TMC3: variants seen among roughly 807,000 people sequenced by gnomAD.
TMC3 encodes the protein transmembrane channel like 3.
A neutral mutation model predicts 110.6 loss-of-function variants in TMC3; 98 were observed. The ratio of observed to expected loss-of-function variants is 0.89; its 90% CI spans 0.75 to 1.05. The LOEUF is 1.05. Ranked by LOEUF, TMC3 falls within the 50% of genes least tolerant of loss-of-function variation. The pLI is 0.00. For synonymous variants in TMC3, 489 were observed against 513.1 expected (o/e 0.95, Z 0.63); for missense variants, 1,319 against 1,373.2 (o/e 0.96, Z 0.62).
chr15:81,354,568 C>A (rs1275080756), intron 9 of TMC3, among the ~76,000 whole-genome samples: 3 of 152,112 alleles, frequency 2.0e-5, no homozygotes. Context: ...CTCAGAAGAT[C>A]CCTGGGGCAC....
chr15:81,345,571 G>A (rs984708021), intron 12 of TMC3, among the ~76,000 whole-genome samples: 3 of 152,138 alleles, frequency 2.0e-5, no homozygotes, highest in Non-Finnish European at 4.4e-5. Flanking sequence ...GGTGGGGCAG[G>A]TTGAAAGTGG....
At position 81,333,066 on chromosome 15, in the gene TMC3, TGGGGGCGTGG is replaced by T. The variant is rs960200233; in HGVS notation, c.2646_2655del (p.His883AspfsTer16). 4.3e-6 allele frequency: 7 copies of T among 1,614,000 alleles called. No homozygotes were observed. The highest frequency in any genetic ancestry group is 5.9e-6 in the Non-Finnish European group (7 of 1,179,872). On this transcript the variant is annotated frameshift_variant, in exon 22 of 22. Transcript: ENST00000359440. LOFTEE classifies it low-confidence loss of function (END_TRUNC). ...TCACATTCATTAATGACATAGTATC[TGGGGGCGTGG>T]GGCCTGGGACCCTGTGCCAGCAAAG... is the stretch of plus-strand genomic sequence containing the variant.
chr15:81,373,065 C>G (rs2141431148), intron 1 of TMC3, among the ~76,000 whole-genome samples: 1 of 152,254 alleles, frequency 6.6e-6, no homozygotes, highest in South Asian at 2.1e-4. Context: ...TTTACGTACT[C>G]TTGGATTCCT....
chr15:81,349,945 A>T (rs8037552), intron 10 of TMC3, among the ~76,000 whole-genome samples: 2 of 145,064 alleles, frequency 1.4e-5, no homozygotes, highest in African/African-American at 5.4e-5. Flanking sequence ...CAACACAGCA[A>T]GACCCCATCT....
At chr15:81,363,376 G>A (rs1469010401) in intron 3 of TMC3, among the ~76,000 whole-genome samples, 2 of 152,242 alleles carry the variant, frequency 1.3e-5, no homozygotes, top group Non-Finnish European at 2.9e-5. Flanking sequence ...AAAGTTGGCA[G>A]GTTGTGCATT....
At chr15:81,365,115 T>C (rs543564575) in intron 3 of TMC3, among the ~76,000 whole-genome samples, 2 of 152,280 alleles carry the variant, frequency 1.3e-5, no homozygotes, top group African/African-American at 4.8e-5. Flanking sequence ...GTTTCCATAA[T>C]ACTTTAACTC....
intron 9 of TMC3, 91 bp from the exon 10 acceptor site, chr15:81,351,932 A>C: frequency 7.0e-7 from 1 of 1,431,084 alleles, no homozygotes; most frequent in Non-Finnish European, 9.5e-7. Flanking sequence ...ACTGGAACAC[A>C]TCCATTGCCA....
chr15:81,345,011 C>T lies in TMC3; in HGVS notation c.1273G>A (p.Glu425Lys), dbSNP rs543319849. ...LDKVNSMSIE[E>K]MATKNNTSHW... ...CTTGTGTTATTTTTGGTAGCCATTT[C>T]CTGGGGAGAGAGAGAGAGAGAGAGA... The change falls in exon 13 of 22, where the codon GAA (glutamate) becomes AAA (lysine). Residue 425 changes from glutamate to lysine, a missense_variant and splice_region_variant. By Grantham distance (56) the Glu-to-Lys change is moderately conservative. Coordinates refer to ENST00000359440, the MANE Select transcript of TMC3 (RefSeq NM_001080532.3). 3 of 1,565,242 alleles carry T rather than the reference C, an allele frequency of 1.9e-6. No individual in the cohort carries two copies. Among genetic ancestry groups the T allele is most frequent in the African/African-American group, 2.7e-5 (2 of 73,594 alleles).
At chr15:81,339,173 T>C (rs1893659947) in intron 17 of TMC3, among the ~76,000 whole-genome samples, 1 of 152,232 alleles carries the variant, frequency 6.6e-6, no homozygotes, top group African/African-American at 2.4e-5. Context: ...TCTTTTTCAC[T>C]TTAAAAGGAT....
intron 4 of TMC3, among the ~76,000 whole-genome samples, chr15:81,361,372 A>G (rs1313362947): frequency 6.6e-6 from 1 of 152,182 alleles, no homozygotes; most frequent in Non-Finnish European, 1.5e-5. Flanking sequence ...ATTGCATGCT[A>G]AAAGTCTAAG....
intron 13 of TMC3, among the ~76,000 whole-genome samples, 162 bp from the exon 14 acceptor site, chr15:81,344,207 G>C (rs1471164658): frequency 6.6e-6 from 1 of 152,210 alleles, no homozygotes; most frequent in African/African-American, 2.4e-5. Flanking sequence ...AGTGGGCAGA[G>C]GACTGGGCTT....
Position 81,332,300 on chromosome 15 carries a change from C to G in TMC3, c.*119G>C. ...AGGGCCTCAGCTAGCAGCCGCTGAC[C>G]ATGCCCCTCAGGTCTCTAACACACT... On this transcript the variant is annotated 3_prime_UTR_variant, in exon 22 of 22. Coordinates refer to ENST00000359440, the MANE Select transcript of TMC3 (RefSeq NM_001080532.3). 5 of 1,388,594 alleles carry G rather than the reference C, an allele frequency of 3.6e-6. No individual in the cohort carries two copies. Among genetic ancestry groups the G allele is most frequent in the Non-Finnish European group, 3.8e-6 (4 of 1,050,080 alleles). 86.0% of individuals were successfully genotyped at this position (1,388,594 alleles called of 1,614,324 possible). A position where few individuals can be genotyped will look rare whatever the true frequency, so the allele number is the denominator to read the frequency against.
chr15:81,332,510 G>A lies in TMC3; in HGVS notation c.3212C>T (p.Pro1071Leu), dbSNP rs773011171. Residue 1071 changes from proline to leucine, a missense_variant, in exon 22 of 22, where the codon CCG becomes CTG. Transcript: ENST00000359440. ...LQVTHSQGRF[P>L]RSVGQPSRRK... ...CCTGCTGGGCTGGCCCACGGACCTC[G>A]GGAACCTGCCCTGGCTGTGGGTGAC... 1.9e-6 allele frequency: 3 copies of A among 1,613,430 alleles called. No homozygotes were observed. In the African/African-American group the frequency reaches 4.0e-5, roughly 22 times the overall value.
intron 15 of TMC3, among the ~76,000 whole-genome samples, chr15:81,342,083 G>T (rs1881282227): frequency 1.3e-5 from 2 of 152,184 alleles, no homozygotes; most frequent in Non-Finnish European, 2.9e-5. Context: ...CCAAACCTGG[G>T]AGATTTGGGG....
At chr15:81,349,401 C>T in intron 11 of TMC3, 57 bp downstream of exon 11, 1 of 1,171,382 alleles carries the variant, frequency 8.5e-7, no homozygotes, top group Non-Finnish European at 1.1e-6. Context: ...TACATTCCCA[C>T]TGTGGGTGGG....
At chr15:81,352,351 CAG>C in intron 9 of TMC3, among the ~76,000 whole-genome samples, 1 of 152,278 alleles carries the variant, frequency 6.6e-6, no homozygotes, top group African/African-American at 2.4e-5. Context: ...GCATATATGA[CAG>C]TGGTTCCATA....
intron 10 of TMC3, 49 bp downstream of exon 10, chr15:81,351,645 C>T (rs1893952460): frequency 6.5e-7 from 1 of 1,548,052 alleles, no homozygotes; most frequent in African/African-American, 1.4e-5. Flanking sequence ...AGCCACTGTG[C>T]CCAGCTATGT....
chr15:81,360,886 G>C (rs896339231), intron 4 of TMC3, among the ~76,000 whole-genome samples: 3 of 152,110 alleles, frequency 2.0e-5, no homozygotes, highest in African/African-American at 7.2e-5. Flanking sequence ...CTGAGGAAAG[G>C]GTAGACTAGC....
chr15:81,341,359 A>G, intron 16 of TMC3, 31 bp downstream of exon 16: 1 of 1,589,892 alleles, frequency 6.3e-7, no homozygotes, highest in Non-Finnish European at 8.6e-7. Flanking sequence ...ATATATAGTT[A>G]TCTGCATGAT....
Sources: allele counts gnomAD v4.1 joint callset (sites outside exome capture counted in the v4.1 genomes callset), GRCh38; gene constraint gnomAD v4.1.1; transcripts MANE v1.5; gene names NCBI Gene and HGNC (gene_info 2026-07-23, HGNC 2026-07-21).